FBXL17: variants seen among roughly 807,000 people sequenced by gnomAD.
The protein encoded by FBXL17 is F-box and leucine rich repeat protein 17.
In FBXL17, 22 loss-of-function variants were observed where a neutral mutation model predicts 66.2. The observed-to-expected ratio is 0.33, with a 90% CI of 0.24 to 0.47. The LOEUF is 0.47. Ranked by LOEUF, FBXL17 falls within the 20% of genes least tolerant of loss-of-function variation. FBXL17 has a pLI of 1.00. For synonymous variants in FBXL17, 474 were observed against 400.5 expected (o/e 1.18, Z -2.19); for missense variants, 878 against 948.2 (o/e 0.93, Z 0.97).
At chr5:108,180,011 C>T (rs1051792517) in intron 6 of FBXL17, among the ~76,000 whole-genome samples, 6 of 151,994 alleles carry the variant, frequency 3.9e-5, no homozygotes, top group Non-Finnish European at 7.4e-5. Flanking sequence ...TAAGAAAATG[C>T]GGGCCTAGTA....
At chr5:108,045,788 T>A (rs1291062339) in intron 6 of FBXL17, among the ~76,000 whole-genome samples, 1 of 152,210 alleles carries the variant, frequency 6.6e-6, no homozygotes, top group Non-Finnish European at 1.5e-5. Context: ...TCTTTCTGGT[T>A]TTGATTTCCA....
intron 7 of FBXL17, among the ~76,000 whole-genome samples, chr5:107,966,339 C>T (rs1309231978): frequency 6.6e-6 from 1 of 152,122 alleles, no homozygotes; most frequent in Non-Finnish European, 1.5e-5. Flanking sequence ...ACTGATCTCA[C>T]CCTCTTGAGA....
chr5:107,988,564 G>C (rs1051135035), intron 7 of FBXL17, among the ~76,000 whole-genome samples: 1 of 151,532 alleles, frequency 6.6e-6, no homozygotes, highest in African/African-American at 2.4e-5. Flanking sequence ...TGAAGGCAAA[G>C]CATTTAAATT....
At chr5:108,121,104 C>T (rs554922881) in intron 6 of FBXL17, among the ~76,000 whole-genome samples, 4 of 152,152 alleles carry the variant, frequency 2.6e-5, no homozygotes, top group Admixed American at 2.6e-4. Context: ...CTGAGGTGGG[C>T]AGATCATAAG....
At chr5:108,211,725 G>A (rs2150061680) in intron 5 of FBXL17, among the ~76,000 whole-genome samples, 1 of 152,246 alleles carries the variant, frequency 6.6e-6, no homozygotes, top group Non-Finnish European at 1.5e-5. Flanking sequence ...TCCCTTTGTG[G>A]GTAACCCAAC....
intron 7 of FBXL17, among the ~76,000 whole-genome samples, chr5:108,012,688 G>A (rs1754222292): frequency 6.6e-6 from 1 of 152,082 alleles, no homozygotes; most frequent in Non-Finnish European, 1.5e-5. Context: ...AGCTATCCAG[G>A]TCTCAGTTTC....
Position 107,980,664 on chromosome 5 carries a change from A to ATATATATATATATATATTTT in FBXL17, c.1822+40260_1822+40261insAAAATATATATATATATATA. Among the ~76,000 whole-genome samples the ATATATATATATATATATTTT allele has an allele frequency of 9.7e-5, 6 of 62,074 alleles. No homozygotes were observed. In the East Asian group the frequency reaches 4.2e-3, roughly 44 times the overall value. 40.7% of individuals were successfully genotyped at this position (62,074 alleles called of 152,430 possible). On this transcript the variant is annotated intron_variant, in intron 7 of 8. Coordinates refer to ENST00000542267, the MANE Select transcript of FBXL17 (RefSeq NM_001163315.3). ...TAAAATAATATATATATATATATAT[A>ATATATATATATATATATTTT]TTTTTTTTTTGAGATGGAGTCTTGC...
rs374601954 is a variant in FBXL17, at chr5:108,248,340, C to T, written c.1507-24112G>A. Among the ~76,000 whole-genome samples, 28 of 152,150 alleles carry T rather than the reference C, an allele frequency of 1.8e-4. No homozygotes were observed. In the East Asian group the frequency reaches 4.8e-3, roughly 26 times the overall value. On this transcript the variant is annotated intron_variant, in intron 4 of 8. Coordinates refer to ENST00000542267, the MANE Select transcript of FBXL17 (RefSeq NM_001163315.3). ...CGAAAAAGTCATTGGATGATCTCAACAGCAGAATGAAGGCAAGACAGAGGA... is the reference window on the plus strand; with the variant it reads ...CGAAAAAGTCATTGGATGATCTCAATAGCAGAATGAAGGCAAGACAGAGGA...
At chr5:108,302,301 C>CA (rs1036494175) in intron 4 of FBXL17, among the ~76,000 whole-genome samples, 1 of 150,786 alleles carries the variant, frequency 6.6e-6, no homozygotes, top group Non-Finnish European at 1.5e-5. Context: ...AATTTCTTTC[C>CA]AAAAAAAAGG....
Position 108,004,264 on chromosome 5 carries a change from T to C in FBXL17, c.1822+16661A>G, listed in dbSNP as rs181246894. Among the ~76,000 whole-genome samples, 849 of 152,272 alleles carry C rather than the reference T, an allele frequency of 5.6e-3. 7 individuals carry two copies. The highest frequency in any genetic ancestry group is 0.018 in the African/African-American group (767 of 41,560). ...TTTGATATTTTAACAGACATTTGTG[T>C]GTGAAAGCCTCATACATTTCAGTTA... is the stretch of plus-strand genomic sequence containing the variant. On this transcript the variant is annotated intron_variant, in intron 7 of 8. Transcript: ENST00000542267.
chr5:108,338,320 A>T (rs1339206781), intron 4 of FBXL17, among the ~76,000 whole-genome samples: 1 of 152,132 alleles, frequency 6.6e-6, no homozygotes, highest in African/African-American at 2.4e-5. Flanking sequence ...AAATGAAAAT[A>T]AAAGAAAATC....
At chr5:108,335,223 T>TCC (rs1488123331) in intron 4 of FBXL17, among the ~76,000 whole-genome samples, 1 of 126,034 alleles carries the variant, frequency 7.9e-6, no homozygotes, top group Non-Finnish European at 1.6e-5. Flanking sequence ...ACTCTCCCAC[T>TCC]CCCCCACCCC....
chr5:108,381,699 G>T lies in FBXL17; in HGVS notation c.-8C>A. On this transcript the variant is annotated 5_prime_UTR_variant, in exon 1 of 9. Coordinates refer to ENST00000542267, the MANE Select transcript of FBXL17 (RefSeq NM_001163315.3). ...CGAGAGAAGGTGGCCCATATAGAAGGCCCCGAGGAGGGGGACCGGGACGGG... is the reference window on the plus strand; with the variant it reads ...CGAGAGAAGGTGGCCCATATAGAAGTCCCCGAGGAGGGGGACCGGGACGGG... The T allele has an allele frequency of 6.9e-7, 1 of 1,450,160 alleles. No individual in the cohort carries two copies. The highest frequency in any genetic ancestry group is 1.3e-5 in the South Asian group (1 of 74,704). 89.8% of individuals were successfully genotyped at this position (1,450,160 alleles called of 1,614,324 possible). A position where few individuals can be genotyped will look rare whatever the true frequency, so the allele number is the denominator to read the frequency against.
intron 4 of FBXL17, among the ~76,000 whole-genome samples, chr5:108,245,301 G>A (rs1756043984): frequency 1.3e-5 from 2 of 151,790 alleles, no homozygotes; most frequent in Admixed American, 6.6e-5. Flanking sequence ...TGCTTCCCAA[G>A]ATGAATAAAA....
intron 4 of FBXL17, among the ~76,000 whole-genome samples, chr5:108,331,847 A>C (rs535837615): frequency 7.4e-4 from 112 of 152,364 alleles, no homozygotes; most frequent in African/African-American, 2.6e-3. Context: ...CTCGTTATCC[A>C]TATTTATGAA....
At chr5:108,146,172 C>CA (rs920587062) in intron 6 of FBXL17, among the ~76,000 whole-genome samples, 1 of 151,304 alleles carries the variant, frequency 6.6e-6, no homozygotes, top group African/African-American at 2.4e-5. Context: ...GCAGAGCTTG[C>CA]AGTGAGCCGA....
At chr5:107,869,847 C>T (rs990689939) in intron 8 of FBXL17, among the ~76,000 whole-genome samples, 2 of 152,212 alleles carry the variant, frequency 1.3e-5, no homozygotes, top group African/African-American at 4.8e-5. Context: ...TTCCTTCCCT[C>T]TTCCTTTCTC....
chr5:108,178,987 C>A (rs1207746882), intron 6 of FBXL17, among the ~76,000 whole-genome samples: 1 of 152,144 alleles, frequency 6.6e-6, no homozygotes, highest in Non-Finnish European at 1.5e-5. Flanking sequence ...AAACCTCAGT[C>A]TCTAGGAGAA....
At chr5:108,349,052 C>T (rs1379831347) in intron 3 of FBXL17, among the ~76,000 whole-genome samples, 1 of 152,130 alleles carries the variant, frequency 6.6e-6, no homozygotes, top group African/African-American at 2.4e-5. Flanking sequence ...GCAATCCTCC[C>T]ACCTCAGCCT....
Sources: gnomAD v4.1 joint callset for allele counts (sites outside exome capture counted in the v4.1 genomes callset) on GRCh38, gnomAD v4.1.1 for gene constraint, MANE v1.5 for transcripts, NCBI Gene and HGNC (gene_info 2026-07-23, HGNC 2026-07-21) for gene names.